STAM2: variants seen among roughly 807,000 people sequenced by gnomAD.
The protein encoded by STAM2 is signal transducing adaptor molecule 2.
In STAM2, 51 loss-of-function variants were observed where a neutral mutation model predicts 65.6. The observed-to-expected ratio is 0.78, with a 90% confidence interval of 0.62 to 0.98. The LOEUF (loss-of-function observed/expected upper bound fraction) is 0.98, where lower values mean the gene tolerates loss of function less well. Ranked by LOEUF, STAM2 falls within the 50% of genes least tolerant of loss-of-function variation. STAM2 has a pLI of 0.00. For missense variants in STAM2, 584 were observed against 617.8 expected (o/e 0.95, Z 0.58); for synonymous variants, 198 against 208.4 (o/e 0.95, Z 0.43).
intron 2 of STAM2, 145 bp downstream of exon 2, chr2:152,150,000 T>C (rs1020396914): frequency 4.8e-6 from 3 of 619,558 alleles, no homozygotes; most frequent in African/African-American, 3.7e-5. Context: ...AAAACCTATG[T>C]ATAAGTGAAC....
In STAM2 at chr2:152,117,088, A is replaced by G. The variant is rs1353018211; in HGVS notation, c.*3486T>C. ...GGAGGGACACTATTCACTATATCAC[A>G]CAAGCAACATAATGCCTCTTTTGAC... is the stretch of plus-strand genomic sequence containing the variant. On this transcript the variant is annotated 3_prime_UTR_variant, in exon 14 of 14. Coordinates refer to ENST00000263904, the MANE Select transcript of STAM2 (RefSeq NM_005843.6). 1 of 152,192 alleles carries G rather than the reference A, an allele frequency of 6.6e-6. No individual in the cohort carries two copies. The highest frequency in any genetic ancestry group is 2.4e-5 in the African/African-American group (1 of 41,428). 9.4% of individuals were successfully genotyped at this position (152,192 alleles called of 1,614,324 possible).
rs112620636 is a variant in STAM2, at chr2:152,148,312, AAGAG to A, written c.126-16_126-13del. 7.8e-5 allele frequency: 122 copies of A among 1,561,224 alleles called. No homozygotes were observed. The Middle Eastern group carries it at 2.2e-3, about 28-fold the overall frequency. On this transcript the variant is annotated splice_polypyrimidine_tract_variant and intron_variant, in intron 2 of 13. Transcript: ENST00000263904. ...GGCAATCTTTCGCTCTAAAAAAAAA[AAGAG>A]AGAGAGAGACAGTTAAGTATTTACT...
At chr2:152,168,869 T>C (rs1387888030) in intron 1 of STAM2, among the ~76,000 whole-genome samples, 1 of 152,214 alleles carries the variant, frequency 6.6e-6, no homozygotes, top group African/African-American at 2.4e-5. Flanking sequence ...TTATTGTCTA[T>C]TGTCAACTGG....
chr2:152,120,413 AAAC>A lies in STAM2; in HGVS notation c.*158_*160del. 8.7e-6 allele frequency: 5 copies of A among 571,614 alleles called. No homozygotes were observed. The East Asian group carries it at 8.9e-5, about 10-fold the overall frequency. The allele number at this position is 571,614 out of a possible 1,614,324, so 35.4% of individuals were successfully genotyped here. A position where few individuals can be genotyped will look rare whatever the true frequency, so the allele number is the denominator to read the frequency against. On this transcript the variant is annotated 3_prime_UTR_variant, in exon 14 of 14. Transcript: ENST00000263904. ...CTGGACTGAAAAAAAAAAAAAAAAAAAACCTTTTATGGCCTTGTAGAATAAGAG... is the reference window on the plus strand; with the variant it reads ...CTGGACTGAAAAAAAAAAAAAAAAAACTTTTATGGCCTTGTAGAATAAGAG...
chr2:152,147,250 A>T lies in STAM2; in HGVS notation c.359T>A (p.Phe120Tyr). The stretch of plus-strand genomic sequence containing the variant: ...CAGACTAAACTGAGGGTCCTTCTGA[A>T]ATTCTTCTGACCACTCCACCATTAA... ...KSLMVEWSEEFQKDPQFSLIS... is the reference protein window; with the variant it reads ...KSLMVEWSEEYQKDPQFSLIS... The change falls in exon 5 of 14, where the codon TTT (phenylalanine) becomes TAT (tyrosine). Residue 120 changes from phenylalanine (F) to tyrosine (Y), a missense_variant. Transcript: ENST00000263904. 1 of 1,611,726 alleles carries T rather than the reference A, an allele frequency of 6.2e-7. No homozygotes were observed. The highest frequency in any genetic ancestry group is 8.5e-7 in the Non-Finnish European group (1 of 1,179,068).
chr2:152,168,692 TATA>T (rs1317453262), intron 1 of STAM2, among the ~76,000 whole-genome samples: 2 of 152,228 alleles, frequency 1.3e-5, no homozygotes, highest in African/African-American at 4.8e-5. Flanking sequence ...AAAATAAAAT[TATA>T]ATGTCTTTTC....
chr2:152,127,982 A>C (rs1030649535), intron 11 of STAM2, among the ~76,000 whole-genome samples: 17 of 152,296 alleles, frequency 1.1e-4, no homozygotes, highest in African/African-American at 3.6e-4. Flanking sequence ...CTACCAAGTA[A>C]ATAGCCTGGA....
chr2:152,147,413 GAACATCAACAAAAGTCCTGA>G, intron 4 of STAM2, 105 bp from the exon 5 acceptor site: 1 of 1,114,344 alleles, frequency 9.0e-7, no homozygotes, highest in Non-Finnish European at 1.2e-6. Context: ...TTAATTATAT[GAACATCAACAAAAGTCCTGA>G]AATTTCTAGC....
chr2:152,131,856 G>T, intron 11 of STAM2: 1 of 426,126 alleles, frequency 2.3e-6, no homozygotes, highest in Non-Finnish European at 4.2e-6. Flanking sequence ...ATCACTAGAA[G>T]CATGCTAGAA....
chr2:152,141,551 A>C, intron 7 of STAM2, among the ~76,000 whole-genome samples: 1 of 151,274 alleles, frequency 6.6e-6, no homozygotes, highest in East Asian at 2.0e-4. Context: ...TAAATAAGAA[A>C]TGTGCACCTT....
chr2:152,173,013 A>G (rs1689924415), intron 1 of STAM2, among the ~76,000 whole-genome samples: 2 of 152,220 alleles, frequency 1.3e-5, no homozygotes, highest in African/African-American at 4.8e-5. Context: ...AGCTTCTTGT[A>G]TATTTGTAGC....
At chr2:152,120,929 T>C in intron 13 of STAM2, 127 bp from the exon 14 acceptor site, 1 of 667,038 alleles carries the variant, frequency 1.5e-6, no homozygotes, top group Non-Finnish European at 2.6e-6. Context: ...CTGTTCTGAT[T>C]ACAATTTAAT....
At position 152,143,918 on chromosome 2, in the gene STAM2, G is replaced by A. The variant is rs137997902; in HGVS notation, c.613C>T (p.Arg205Trp). Residue 205 changes from arginine to tryptophan, a missense_variant, in exon 7 of 14, where the codon CGG becomes TGG. Physicochemically the swap from Arg to Trp is moderately radical, Grantham distance 101. Coordinates refer to ENST00000263904, the MANE Select transcript of STAM2 (RefSeq NM_005843.6). Reference protein sequence around the residue: ...SEIQLNNKVARKVRALYDFEA... With the variant: ...SEIQLNNKVAWKVRALYDFEA... ...AAATCATATAAAGCTCTCACTTTCC[G>A]TGCAACCTTATTATTTAACTGAATT... The A allele has an allele frequency of 4.6e-5, 74 of 1,613,688 alleles. No individual in the cohort carries two copies. The highest frequency in any genetic ancestry group is 6.7e-5 in the African/African-American group (5 of 74,982).
chr2:152,143,741 A>G, intron 7 of STAM2, 86 bp downstream of exon 7: 2 of 1,085,862 alleles, frequency 1.8e-6, no homozygotes, highest in East Asian at 5.0e-5. Context: ...TGATTTAAAT[A>G]CACTAAAAGT....
intron 11 of STAM2, among the ~76,000 whole-genome samples, chr2:152,127,692 G>A (rs922628087): frequency 1.3e-5 from 2 of 151,764 alleles, no homozygotes; most frequent in Non-Finnish European, 2.9e-5. Context: ...TTTGTTGGTT[G>A]GTTGATTTTG....
Position 152,126,335 on chromosome 2 carries a change from G to A in STAM2, c.1070C>T (p.Ala357Val). The A allele has an allele frequency of 6.3e-7, 1 of 1,597,044 alleles. No homozygotes were observed. Among genetic ancestry groups the A allele is most frequent in the Non-Finnish European group, 8.5e-7 (1 of 1,172,206 alleles). Residue 357 changes from alanine (A) to valine (V), a missense_variant, in exon 12 of 14, where the codon GCT becomes GTT. Coordinates refer to ENST00000263904, the MANE Select transcript of STAM2 (RefSeq NM_005843.6). ...LSELNVKVLE[A>V]LELYNKLVNE... is the part of the protein sequence containing the mutation. ...CACCAATTTGTTATATAGTTCCAGAGCTTCCAGGACTTTAACATTCAATTC... is the reference window on the plus strand; with the variant it reads ...CACCAATTTGTTATATAGTTCCAGAACTTCCAGGACTTTAACATTCAATTC...
At chr2:152,159,203 G>C (rs1689612748) in intron 1 of STAM2, among the ~76,000 whole-genome samples, 1 of 150,898 alleles carries the variant, frequency 6.6e-6, no homozygotes. Context: ...CTACTTGAGA[G>C]GCTGGGGTGG....
At chr2:152,154,191 T>C (rs757762151) in intron 1 of STAM2, among the ~76,000 whole-genome samples, 1 of 152,084 alleles carries the variant, frequency 6.6e-6, no homozygotes, top group African/African-American at 2.4e-5. Context: ...ACTTATTCCA[T>C]GGAGAAGCAA....
rs1211084682 is a variant in STAM2, at chr2:152,120,810, CA to C, written c.1350-9del. 1.2e-6 allele frequency: 2 copies of C among 1,608,898 alleles called. No individual in the cohort carries two copies. The highest frequency in any genetic ancestry group is 2.7e-5 in the African/African-American group (2 of 74,658). On this transcript the variant is annotated splice_polypyrimidine_tract_variant and intron_variant, in intron 13 of 13. Coordinates refer to ENST00000263904, the MANE Select transcript of STAM2 (RefSeq NM_005843.6). ...ACAGTGTCTTGTCCAGTGCTACAAA[CA>C]AAATTTTAAAAAGAAAACCATATTT...
Sources: gnomAD v4.1 joint callset for allele counts (sites outside exome capture counted in the v4.1 genomes callset) on GRCh38, gnomAD v4.1.1 for gene constraint, MANE v1.5 for transcripts, NCBI Gene and HGNC (gene_info 2026-07-23, HGNC 2026-07-21) for gene names.